GAB1: variants seen among roughly 807,000 people sequenced by gnomAD.
GAB1 encodes the protein GRB2 associated binding protein 1.
In GAB1, 19 loss-of-function variants were observed where a neutral mutation model predicts 66.5. The observed-to-expected ratio is 0.29, with a 90% confidence interval of 0.20 to 0.42. GAB1 has a LOEUF of 0.42. GAB1 is among the 10% of genes least tolerant of loss of function. The pLI, the probability that GAB1 is intolerant of heterozygous loss-of-function variation, is 1.00. For synonymous variants in GAB1, 294 were observed against 301.4 expected (o/e 0.98, Z 0.25); for missense variants, 732 against 858.5 (o/e 0.85, Z 1.84).
At chr4:143,451,856 C>T (rs1347363546) in intron 6 of GAB1, among the ~76,000 whole-genome samples, 1 of 151,418 alleles carries the variant, frequency 6.6e-6, no homozygotes, top group Non-Finnish European at 1.5e-5. Context: ...AGTGCGAGTT[C>T]ATCACTTTCA....
In GAB1 at chr4:143,337,206, G is replaced by A; in HGVS notation, c.18G>A (p.Val6=). 1.3e-6 allele frequency: 2 copies of A among 1,584,134 alleles called. No individual in the cohort carries two copies. Among genetic ancestry groups the A allele is most frequent in the Non-Finnish European group, 1.7e-6 (2 of 1,164,994 alleles). Residue 6 remains valine (V), a synonymous_variant, in exon 1 of 10, where the codon GTG becomes GTA. Coordinates refer to ENST00000262994, the MANE Select transcript of GAB1 (RefSeq NM_002039.4). MSGGE[V]VCSGWLRKSP... ...CGCGCACCATGAGCGGTGGTGAAGTGGTCTGCTCCGGATGGCTCCGCAAGT... is the reference window on the plus strand; with the variant it reads ...CGCGCACCATGAGCGGTGGTGAAGTAGTCTGCTCCGGATGGCTCCGCAAGT...
At chr4:143,435,864 T>C (rs768531732) in intron 3 of GAB1, among the ~76,000 whole-genome samples, 3 of 152,226 alleles carry the variant, frequency 2.0e-5, no homozygotes, top group African/African-American at 4.8e-5. Context: ...GAAGCATTCC[T>C]CTCAAACTCC....
At chr4:143,363,439 G>C (rs1275903414) in intron 1 of GAB1, among the ~76,000 whole-genome samples, 1 of 152,166 alleles carries the variant, frequency 6.6e-6, no homozygotes, top group Admixed American at 6.5e-5. Context: ...ACATGAGCTG[G>C]AGGTGGGTTA....
chr4:143,416,038 A>G (rs968102741), intron 2 of GAB1, among the ~76,000 whole-genome samples: 3 of 152,226 alleles, frequency 2.0e-5, no homozygotes, highest in Non-Finnish European at 4.4e-5. Context: ...AAGAACATTT[A>G]TTGAATTCCA....
intron 1 of GAB1, among the ~76,000 whole-genome samples, chr4:143,348,403 C>T (rs181175603): frequency 2.0e-5 from 3 of 152,366 alleles, no homozygotes; most frequent in East Asian, 3.9e-4. Context: ...GTCCTCTTGG[C>T]TGTTCCTTGT....
At chr4:143,368,726 T>A (rs1729988981) in intron 1 of GAB1, among the ~76,000 whole-genome samples, 1 of 152,192 alleles carries the variant, frequency 6.6e-6, no homozygotes, top group African/African-American at 2.4e-5. Context: ...GCTCTTTTGT[T>A]TGCTTGCTGC....
chr4:143,343,930 T>C (rs1050646618), intron 1 of GAB1, among the ~76,000 whole-genome samples: 2 of 152,228 alleles, frequency 1.3e-5, no homozygotes, highest in Non-Finnish European at 2.9e-5. Flanking sequence ...TCTGCTAAGA[T>C]CTAATGTTCC....
rs1176962731 is a variant in GAB1, at chr4:143,466,087, T to C, written c.1804-16T>C. ...GTGAATGTCTGACCGTTGATTTTGT[T>C]GTCTAATACTTTCAGAATCTCTTTG... On this transcript the variant is annotated splice_polypyrimidine_tract_variant and intron_variant, in intron 8 of 9. Coordinates refer to ENST00000262994, the MANE Select transcript of GAB1 (RefSeq NM_002039.4). 1 of 1,611,968 alleles carries C rather than the reference T, an allele frequency of 6.2e-7. No individual in the cohort carries two copies. Among genetic ancestry groups the C allele is most frequent in the African/African-American group, 1.3e-5 (1 of 74,848 alleles).
chr4:143,373,352 C>T (rs140943887), intron 1 of GAB1, among the ~76,000 whole-genome samples: 64 of 152,254 alleles, frequency 4.2e-4, no homozygotes, highest in African/African-American at 1.3e-3. Context: ...AGCACCAGAC[C>T]TTTCCTTCAG....
intron 1 of GAB1, among the ~76,000 whole-genome samples, chr4:143,414,719 TATG>T (rs760200860): frequency 3.3e-5 from 5 of 152,216 alleles, no homozygotes; most frequent in Admixed American, 6.5e-5. Context: ...GTAGGAGTCT[TATG>T]AAGAAGCAGC....
chr4:143,385,089 T>G (rs1445767340), intron 1 of GAB1, among the ~76,000 whole-genome samples: 2 of 152,160 alleles, frequency 1.3e-5, no homozygotes, highest in Non-Finnish European at 2.9e-5. Context: ...TGTCCTGAGT[T>G]TATATATCAG....
chr4:143,354,062 G>C (rs1036307140), intron 1 of GAB1, among the ~76,000 whole-genome samples: 1 of 152,158 alleles, frequency 6.6e-6, no homozygotes, highest in African/African-American at 2.4e-5. Context: ...TAGAAGGGTT[G>C]TTGCTGTATG....
intron 2 of GAB1, chr4:143,424,974 C>A: frequency 1.6e-6 from 1 of 612,242 alleles, no homozygotes; most frequent in African/African-American, 1.9e-5. Flanking sequence ...AAAAAAAAGG[C>A]CTTTCTGTGC....
intron 1 of GAB1, among the ~76,000 whole-genome samples, chr4:143,412,512 G>A (rs561233973): frequency 2.0e-5 from 3 of 152,332 alleles, no homozygotes; most frequent in East Asian, 1.9e-4. Context: ...TAAAGCAGGC[G>A]TGGTCACTAT....
At chr4:143,352,831 T>C (rs1049165911) in intron 1 of GAB1, among the ~76,000 whole-genome samples, 1 of 152,218 alleles carries the variant, frequency 6.6e-6, no homozygotes, top group Admixed American at 6.5e-5. Flanking sequence ...ACCTCTCTTC[T>C]GTGAGATGAA....
intron 7 of GAB1, 126 bp downstream of exon 7, chr4:143,459,604 G>T: frequency 1.5e-6 from 1 of 688,744 alleles, no homozygotes; most frequent in South Asian, 1.6e-5. Context: ...CCTTTTTGGG[G>T]GTTCTGTGAA....
At position 143,473,451 on chromosome 4, in the gene GAB1, A is replaced by G. The variant is rs1736164914; in HGVS notation, c.*4262A>G. The G allele has an allele frequency of 6.6e-6, 1 of 152,156 alleles. No individual in the cohort carries two copies. Among genetic ancestry groups the G allele is most frequent in the Non-Finnish European group, 1.5e-5 (1 of 68,032 alleles). 9.4% of individuals were successfully genotyped at this position (152,156 alleles called of 1,614,324 possible). ...AACTGTGCTTCCCAGTCCCACCTCTATATGTCACTCATTTTCTGCAACAAA... is the reference window on the plus strand; with the variant it reads ...AACTGTGCTTCCCAGTCCCACCTCTGTATGTCACTCATTTTCTGCAACAAA... On this transcript the variant is annotated 3_prime_UTR_variant, in exon 10 of 10. Transcript: ENST00000262994.
intron 1 of GAB1, among the ~76,000 whole-genome samples, chr4:143,403,358 C>G (rs1731871972): frequency 6.6e-6 from 1 of 152,138 alleles, no homozygotes; most frequent in Non-Finnish European, 1.5e-5. Flanking sequence ...TCCATTGTAT[C>G]TATTTCCTGT....
chr4:143,389,669 CCT>C (rs1231798626), intron 1 of GAB1, among the ~76,000 whole-genome samples: 1 of 152,176 alleles, frequency 6.6e-6, no homozygotes, highest in Non-Finnish European at 1.5e-5. Flanking sequence ...GCTTCACCTC[CCT>C]CTCCTAACTC....
Sources: gnomAD v4.1 joint callset for allele counts (sites outside exome capture counted in the v4.1 genomes callset) on GRCh38, gnomAD v4.1.1 for gene constraint, MANE v1.5 for transcripts, NCBI Gene and HGNC (gene_info 2026-07-23, HGNC 2026-07-21) for gene names.